The following ANKRD30B variants were observed in gnomAD, a reference collection of about 807,000 sequenced individuals.
ANKRD30B encodes the protein ankyrin repeat domain-containing protein 30B.
ANKRD30B carries 144 observed loss-of-function variants against 202.2 expected under a neutral mutation model. The observed-to-expected ratio is 0.71, with a 90% CI of 0.62 to 0.82. The LOEUF (loss-of-function observed/expected upper bound fraction) is 0.82, where lower values mean the gene tolerates loss of function less well. Ranked by LOEUF, ANKRD30B falls within the 40% of genes least tolerant of loss-of-function variation. The pLI, the probability that ANKRD30B is intolerant of heterozygous loss-of-function variation, is 0.00. For missense variants in ANKRD30B, 1,487 were observed against 1,669.1 expected (o/e 0.89, Z 1.90); for synonymous variants, 508 against 561.3 (o/e 0.91, Z 1.34).
chr18:14,776,622 T>C (rs1415519851), intron 9 of ANKRD30B, among the ~76,000 whole-genome samples: 1 of 152,226 alleles, frequency 6.6e-6, no homozygotes, highest in Non-Finnish European at 1.5e-5. Flanking sequence ...TCCTCATTTT[T>C]CTAAGGTGAA....
intron 24 of ANKRD30B, among the ~76,000 whole-genome samples, chr18:14,805,396 C>T (rs1328788889): frequency 6.6e-6 from 1 of 150,728 alleles, no homozygotes; most frequent in East Asian, 1.9e-4. Context: ...ATTTGCTGTT[C>T]CTGATGAGGT....
the ANKRD30B span, among the ~76,000 whole-genome samples, chr18:14,932,405 C>G: frequency 6.6e-6 from 1 of 152,058 alleles, no homozygotes; most frequent in Non-Finnish European, 1.5e-5. Flanking sequence ...GGCGCGATCT[C>G]GGCTCACTGC....
At chr18:14,855,743 G>A (rs1457395690), downstream of ANKRD30B, among the ~76,000 whole-genome samples, 2 of 147,986 alleles carry the variant, frequency 1.4e-5, no homozygotes, top group African/African-American at 5.0e-5. Context: ...CTACCAAGGG[G>A]GGCAGCCAGG....
At chr18:14,928,239 A>G in the ANKRD30B span, among the ~76,000 whole-genome samples, 1 of 152,160 alleles carries the variant, frequency 6.6e-6, no homozygotes, top group Non-Finnish European at 1.5e-5. Flanking sequence ...AAGTGCTGGG[A>G]TTACAGGCGC....
intron 34 of ANKRD30B, 90 bp from the exon 35 acceptor site, chr18:14,837,117 GTCTT>G: frequency 1.4e-6 from 1 of 732,620 alleles, no homozygotes; most frequent in Admixed American, 2.6e-5. Flanking sequence ...GTTGTTGTTT[GTCTT>G]TCTGACAAAT....
At chr18:14,899,245 A>G in the ANKRD30B span, among the ~76,000 whole-genome samples, 1 of 152,138 alleles carries the variant, frequency 6.6e-6, no homozygotes, top group African/African-American at 2.4e-5. Context: ...CAAATGATGA[A>G]TGTTCTTCAT....
the ANKRD30B span, among the ~76,000 whole-genome samples, chr18:14,939,140 G>C: frequency 6.6e-6 from 1 of 152,236 alleles, no homozygotes; most frequent in Non-Finnish European, 1.5e-5. Flanking sequence ...GGTTGGTTCT[G>C]TGCTTTGCCC....
chr18:14,883,268 G>T, the ANKRD30B span, among the ~76,000 whole-genome samples: 8 of 151,540 alleles, frequency 5.3e-5, no homozygotes, highest in East Asian at 1.9e-4. Context: ...ACCACTGCAT[G>T]GGCCACCTGT....
chr18:14,761,627 T>C (rs932193541), intron 6 of ANKRD30B, among the ~76,000 whole-genome samples: 37 of 152,214 alleles, frequency 2.4e-4, no homozygotes, highest in African/African-American at 8.9e-4. Context: ...CCAAGGAGAT[T>C]TGTGTCTATG....
chr18:14,780,690 T>C (rs1420690926), intron 11 of ANKRD30B, among the ~76,000 whole-genome samples: 3 of 152,262 alleles, frequency 2.0e-5, no homozygotes, highest in Non-Finnish European at 4.4e-5. Flanking sequence ...AAAGTTCTAA[T>C]TGGATTAATA....
At chr18:14,749,500 C>T (rs1344210690) in intron 1 of ANKRD30B, among the ~76,000 whole-genome samples, 1 of 151,488 alleles carries the variant, frequency 6.6e-6, no homozygotes, top group Admixed American at 6.6e-5. Context: ...GGTGAAACAC[C>T]GTCTCTACAA....
the ANKRD30B span, among the ~76,000 whole-genome samples, chr18:14,923,806 CCAAA>C: frequency 6.6e-6 from 1 of 152,210 alleles, no homozygotes; most frequent in East Asian, 1.9e-4. Flanking sequence ...TTACTTTCTT[CCAAA>C]CAGTCTCTCT....
chr18:14,937,349 A>G, the ANKRD30B span, among the ~76,000 whole-genome samples: 1 of 152,204 alleles, frequency 6.6e-6, no homozygotes, highest in Non-Finnish European at 1.5e-5. Context: ...GTGGCAGGAG[A>G]ACAGGGAGTT....
intron 6 of ANKRD30B, among the ~76,000 whole-genome samples, chr18:14,762,230 A>G (rs1431114277): frequency 2.1e-5 from 3 of 144,026 alleles, no homozygotes; most frequent in Admixed American, 1.4e-4. Context: ...AGAAAAATCT[A>G]TTAGTGGGCT....
chr18:14,796,699 C>A (rs529311426), intron 18 of ANKRD30B, among the ~76,000 whole-genome samples: 192 of 150,834 alleles, frequency 1.3e-3, no homozygotes, highest in African/African-American at 2.0e-3. Context: ...CAGGTTGAGA[C>A]ATAATAGACA....
chr18:14,822,418 A>G, intron 30 of ANKRD30B, 65 bp from the exon 31 acceptor site: 1 of 928,290 alleles, frequency 1.1e-6, no homozygotes, highest in Non-Finnish European at 1.7e-6. Flanking sequence ...TTCACACTGC[A>G]TGAATGTTTG....
rs1598708325 is a variant in ANKRD30B, at chr18:14,840,638, A to C, written c.3039A>C (p.Thr1013=). ...TQNYECLPEA[T]YQKEIKTTNG... ...ATTATGAGTGTTTACCTGAGGCTAC[A>C]TATCAAAAAGAAATAAAGACAACAA... The change falls in exon 37 of 44, where the codon ACA becomes ACC. Residue 1013 remains threonine (T), a synonymous_variant. Coordinates refer to ENST00000690538, the MANE Select transcript of ANKRD30B (RefSeq NM_001367607.2). The C allele has an allele frequency of 2.0e-6, 3 of 1,538,312 alleles. No individual in the cohort carries two copies. The highest frequency in any genetic ancestry group is 2.8e-5 in the African/African-American group (2 of 72,606).
chr18:14,749,207 A>G (rs1469323412), intron 1 of ANKRD30B, among the ~76,000 whole-genome samples: 1 of 152,200 alleles, frequency 6.6e-6, no homozygotes, highest in Non-Finnish European at 1.5e-5. Context: ...ATTTAAGAAG[A>G]CTCATTTTTC....
the ANKRD30B span, among the ~76,000 whole-genome samples, chr18:14,900,810 T>C: frequency 6.6e-6 from 1 of 152,198 alleles, no homozygotes; most frequent in Non-Finnish European, 1.5e-5. Context: ...TTATTCCACC[T>C]TCCTGCTGGA....
Sources: gnomAD v4.1 joint callset for allele counts (sites outside exome capture counted in the v4.1 genomes callset) on GRCh38, gnomAD v4.1.1 for gene constraint, MANE v1.5 for transcripts, NCBI Gene and HGNC (gene_info 2026-07-23, HGNC 2026-07-21) for gene names.